PCDHGB7: variants seen among roughly 807,000 people sequenced by gnomAD.
PCDHGB7 encodes protocadherin gamma-B7.
Under a neutral mutation model 61.4 loss-of-function variants are expected in PCDHGB7, and 37 were observed. The ratio of observed to expected loss-of-function variants is 0.60; its 90% CI spans 0.46 to 0.79. The LOEUF (loss-of-function observed/expected upper bound fraction) is 0.79, where lower values mean the gene tolerates loss of function less well. Among genes scored for constraint, PCDHGB7 ranks in the 30% least tolerant of loss-of-function variants. The pLI is 0.00. For missense variants in PCDHGB7, 1,166 were observed against 1,202.5 expected (o/e 0.97, Z 0.45); for synonymous variants, 464 against 503.5 (o/e 0.92, Z 1.05).
chr5:141,423,880 G>C, intron 1 of PCDHGB7: 1 of 1,282,292 alleles, frequency 7.8e-7, no homozygotes, highest in Non-Finnish European at 9.9e-7. Context: ...TTTCAATCTT[G>C]GCATATTTTC....
intron 1 of PCDHGB7, among the ~76,000 whole-genome samples, chr5:141,474,464 T>C (rs373468290): frequency 6.6e-6 from 1 of 152,252 alleles, no homozygotes; most frequent in African/African-American, 2.4e-5. Context: ...CTATACTCTT[T>C]ATTCTAAATT....
rs889285153 is a variant in PCDHGB7, at chr5:141,494,978, T to C, written c.2474+113T>C. ...TGCTACAGATGGCTTCTCCCTCAGT[T>C]TGAGATCCCAGGGAGGTCTTGGTGT... On this transcript the variant is annotated intron_variant, in intron 2 of 3. Transcript: ENST00000398594. 7.6e-6 allele frequency: 12 copies of C among 1,572,974 alleles called. No homozygotes were observed. In the Admixed American group the frequency reaches 1.3e-4, roughly 17 times the overall value.
intron 1 of PCDHGB7, among the ~76,000 whole-genome samples, chr5:141,483,310 A>G (rs2099579870): frequency 6.6e-6 from 1 of 152,156 alleles, no homozygotes; most frequent in African/African-American, 2.4e-5. Context: ...GACTGGGGAC[A>G]TTGGGACTGG....
intron 3 of PCDHGB7, chr5:141,506,955 C>T (rs1387377785): frequency 2.6e-5 from 4 of 152,362 alleles, no homozygotes; most frequent in South Asian, 2.1e-4. Context: ...AATGAATCCT[C>T]TCAATAGCTC....
chr5:141,423,488 ATTC>A, intron 1 of PCDHGB7: 1 of 1,613,954 alleles, frequency 6.2e-7, no homozygotes, highest in Non-Finnish European at 8.5e-7. Flanking sequence ...CTGCAAACCT[ATTC>A]CCACGAGGTC....
intron 1 of PCDHGB7, among the ~76,000 whole-genome samples, chr5:141,452,276 C>A (rs1160292593): frequency 2.6e-5 from 4 of 152,172 alleles, no homozygotes; most frequent in Admixed American, 6.5e-5. Flanking sequence ...TGAACCCTTT[C>A]TTACTTTCTG....
Position 141,490,924 on chromosome 5 carries a change from C to G in PCDHGB7, c.2416-3883C>G, listed in dbSNP as rs1469202824. The G allele has an allele frequency of 1.9e-6, 3 of 1,613,562 alleles. No individual in the cohort carries two copies. The highest frequency in any genetic ancestry group is 2.5e-6 in the Non-Finnish European group (3 of 1,179,702). ...TGTCCTAGACGAGAATGATAATGCC[C>G]CAGCTGTGCTGCACCCACGGCCAGA... On this transcript the variant is annotated intron_variant, in intron 1 of 3. Transcript: ENST00000398594. The surrounding 1 kb of genome is among the most constrained non-coding windows in gnomAD (Gnocchi z 5.4).
chr5:141,501,831 C>G (rs1246452764), intron 2 of PCDHGB7, among the ~76,000 whole-genome samples: 1 of 152,176 alleles, frequency 6.6e-6, no homozygotes, highest in African/African-American at 2.4e-5. Context: ...GCCCACCCAC[C>G]TGTTTGGCCC....
intron 1 of PCDHGB7, among the ~76,000 whole-genome samples, chr5:141,447,652 C>T (rs901761789): frequency 6.6e-6 from 1 of 151,972 alleles, no homozygotes; most frequent in African/African-American, 2.4e-5. Context: ...TAGAATTTTC[C>T]CCCCCAGGAA....
Position 141,487,623 on chromosome 5 carries a change from CT to C in PCDHGB7, c.2416-7181del. 1 of 1,614,206 alleles carries C rather than the reference CT, an allele frequency of 6.2e-7. No homozygotes were observed. Among genetic ancestry groups the C allele is most frequent in the Non-Finnish European group, 8.5e-7 (1 of 1,180,044 alleles). On this transcript the variant is annotated intron_variant, in intron 1 of 3. Transcript: ENST00000398594. This position sits in a 1 kb window ranked among gnomAD's most constrained non-coding sequence, Gnocchi z 5.0. ...CTTCTCTATGGGCTAGAGGTGAGAC[CT>C]TTGCAGGCTCAACAAATGCTTGAGG...
In PCDHGB7 at chr5:141,487,086, TCCCACCACAGAAG is replaced by T. The variant is rs2099639456; in HGVS notation, c.2416-7719_2416-7707del. 6.2e-7 allele frequency: 1 copy of T among 1,613,822 alleles called. No homozygotes were observed. ...ACGGCTGTTCCTATCCCAGCTGACC[TCCCACCACAGAAG>T]CTGGTCATTGTGGTAAAGGATAGTG... On this transcript the variant is annotated intron_variant, in intron 1 of 3. Coordinates refer to ENST00000398594, the MANE Select transcript of PCDHGB7 (RefSeq NM_018927.4). The surrounding 1 kb of genome is among the most constrained non-coding windows in gnomAD (Gnocchi z 5.0).
intron 1 of PCDHGB7, among the ~76,000 whole-genome samples, chr5:141,444,503 T>C (rs2098438734): frequency 6.6e-6 from 1 of 152,088 alleles, no homozygotes; most frequent in Non-Finnish European, 1.5e-5. Flanking sequence ...AATACTTTGC[T>C]CTAGCAGTAT....
intron 2 of PCDHGB7, among the ~76,000 whole-genome samples, chr5:141,498,543 C>T (rs2099784198): frequency 6.6e-6 from 1 of 151,870 alleles, no homozygotes; most frequent in South Asian, 2.1e-4. Flanking sequence ...CTGGTCTGGT[C>T]AGACACACCA....
chr5:141,475,202 G>T (rs746895166), intron 1 of PCDHGB7, among the ~76,000 whole-genome samples: 38 of 152,086 alleles, frequency 2.5e-4, no homozygotes, highest in Non-Finnish European at 5.3e-4. Context: ...CAAGATCTTG[G>T]GAAAAGGATT....
rs2097536640 is a variant in PCDHGB7 at position 141,432,779 on chromosome 5, G to C, written c.2415+12505G>C. 3 of 1,614,170 alleles carry C rather than the reference G, an allele frequency of 1.9e-6. No individual in the cohort carries two copies. The highest frequency in any genetic ancestry group is 2.5e-6 in the Non-Finnish European group (3 of 1,180,002). On this transcript the variant is annotated intron_variant, in intron 1 of 3. Coordinates refer to ENST00000398594, the MANE Select transcript of PCDHGB7 (RefSeq NM_018927.4). The surrounding 1 kb of genome is among the most constrained non-coding windows in gnomAD (Gnocchi z 6.0). Reference sequence around the variant, plus strand: ...CGACAGCATCCCCCAAGTCCTGGCGGACCTCGGCAGCCTCGAGTCTCCAGC... The same window carrying C: ...CGACAGCATCCCCCAAGTCCTGGCGCACCTCGGCAGCCTCGAGTCTCCAGC...
At chr5:141,421,474 G>A (rs1320526226) in intron 1 of PCDHGB7, 2 of 1,614,014 alleles carry the variant, frequency 1.2e-6, no homozygotes, top group Non-Finnish European at 1.7e-6. Flanking sequence ...TCCGCGAAGC[G>A]GCAGCTTGAT....
rs2099068970 is a variant in PCDHGB7 at position 141,463,759 on chromosome 5, T to C, written c.2416-31048T>C. 2.0e-5 allele frequency among the ~76,000 whole-genome samples: 3 copies of C among 152,234 alleles called. No homozygotes were observed. The South Asian group carries it at 6.2e-4, about 32-fold the overall frequency. ...CCGCGCCCGGCCTGCTTCTCTTCTCTTATGGGTTAGAATCCTGCACTGTCT... is the reference window on the plus strand; with the variant it reads ...CCGCGCCCGGCCTGCTTCTCTTCTCCTATGGGTTAGAATCCTGCACTGTCT... On this transcript the variant is annotated intron_variant, in intron 1 of 3. Transcript: ENST00000398594.
At position 141,485,565 on chromosome 5, in the gene PCDHGB7, C is replaced by T. The variant is rs1213821989; in HGVS notation, c.2416-9242C>T. The T allele has an allele frequency of 2.5e-6, 4 of 1,612,946 alleles. No homozygotes were observed. Among genetic ancestry groups the T allele is most frequent in the Non-Finnish European group, 2.5e-6 (3 of 1,179,042 alleles). On this transcript the variant is annotated intron_variant, in intron 1 of 3. Coordinates refer to ENST00000398594, the MANE Select transcript of PCDHGB7 (RefSeq NM_018927.4). The surrounding 1 kb of genome is among the most constrained non-coding windows in gnomAD (Gnocchi z 5.7). ...ATCGTAGATGTGAATGATCACGCCCCCCGTTTTCCGCGGCAGCAGCTGGAC... is the reference window on the plus strand; with the variant it reads ...ATCGTAGATGTGAATGATCACGCCCTCCGTTTTCCGCGGCAGCAGCTGGAC...
In PCDHGB7 at chr5:141,477,629, C is replaced by A. The variant is rs1191573380; in HGVS notation, c.2416-17178C>A. The A allele has an allele frequency of 6.2e-7, 1 of 1,614,040 alleles. No individual in the cohort carries two copies. The highest frequency in any genetic ancestry group is 8.5e-7 in the Non-Finnish European group (1 of 1,180,040). ...CTTGGAGCAAGGAGCTGAAACCGGGCTAGTGGGTCGCTATTTCACAATAAA... is the reference window on the plus strand; with the variant it reads ...CTTGGAGCAAGGAGCTGAAACCGGGATAGTGGGTCGCTATTTCACAATAAA... On this transcript the variant is annotated intron_variant, in intron 1 of 3. Coordinates refer to ENST00000398594, the MANE Select transcript of PCDHGB7 (RefSeq NM_018927.4). The surrounding 1 kb of genome is among the most constrained non-coding windows in gnomAD (Gnocchi z 4.9).
Sources: gnomAD v4.1 joint callset for allele counts (sites outside exome capture counted in the v4.1 genomes callset) on GRCh38, gnomAD v4.1.1 for gene constraint, Gnocchi (gnomAD v3.1) non-coding constraint, MANE v1.5 for transcripts, NCBI Gene and HGNC (gene_info 2026-07-23, HGNC 2026-07-21) for gene names.